The following ADGRB3 variants were observed in gnomAD, a reference collection of about 807,000 sequenced individuals.
ADGRB3 encodes the protein adhesion G protein-coupled receptor B3, also known as brain-specific angiogenesis inhibitor 3.
A neutral mutation model predicts 193.4 loss-of-function variants in ADGRB3; 37 were observed. That is an observed-to-expected ratio of 0.19 (90% CI 0.15 to 0.25). The LOEUF (loss-of-function observed/expected upper bound fraction) is 0.25. Ranked by LOEUF, ADGRB3 falls within the 10% of genes least tolerant of loss-of-function variation. The pLI is 1.00. For synonymous variants in ADGRB3, 690 were observed against 644.2 expected, an observed-to-expected ratio of 1.07 and a Z score of -1.08; for missense variants, 1,637 against 1,852.9, an observed-to-expected ratio of 0.88 and a Z score of 2.14.
intron 17 of ADGRB3, among the ~76,000 whole-genome samples, chr6:69,121,484 A>G (rs1277283785): frequency 5.3e-5 from 8 of 150,624 alleles, no homozygotes; most frequent in Admixed American, 4.0e-4. Flanking sequence ...CAAAACTGCC[A>G]TCGTCATCAT....
intron 17 of ADGRB3, among the ~76,000 whole-genome samples, chr6:69,091,243 G>T (rs1046790044): frequency 3.3e-5 from 5 of 152,138 alleles, no homozygotes; most frequent in Non-Finnish European, 7.3e-5. Flanking sequence ...ATTCCTCAAA[G>T]ACCTAAACAC....
intron 20 of ADGRB3, among the ~76,000 whole-genome samples, chr6:69,274,051 T>A (rs1419927036): frequency 6.6e-6 from 1 of 152,040 alleles, no homozygotes; most frequent in East Asian, 1.9e-4. Context: ...AATAGAGACA[T>A]CCAAGATCAA....
At chr6:68,779,969 A>G (rs1368295471) in intron 3 of ADGRB3, among the ~76,000 whole-genome samples, 2 of 152,110 alleles carry the variant, frequency 1.3e-5, no homozygotes, top group African/African-American at 2.4e-5. Flanking sequence ...TTTGAAAATA[A>G]TGACTTTCAG....
intron 17 of ADGRB3, among the ~76,000 whole-genome samples, chr6:69,104,752 A>G (rs1010290165): frequency 5.3e-5 from 8 of 152,150 alleles, no homozygotes; most frequent in Admixed American, 4.6e-4. Flanking sequence ...AATATTTATT[A>G]TCATATTTCA....
chr6:68,959,496 A>G (rs1768174624), intron 8 of ADGRB3, among the ~76,000 whole-genome samples: 1 of 152,150 alleles, frequency 6.6e-6, no homozygotes, highest in Admixed American at 6.6e-5. Flanking sequence ...AAATTAATCA[A>G]GTTTACTAAG....
chr6:69,342,375 C>G (rs900521030), intron 26 of ADGRB3, among the ~76,000 whole-genome samples: 13 of 151,878 alleles, frequency 8.6e-5, no homozygotes, highest in African/African-American at 3.1e-4. Context: ...CTTAAAAATA[C>G]CCTATAACAT....
At chr6:69,092,064 C>G (rs926935582) in intron 17 of ADGRB3, among the ~76,000 whole-genome samples, 1 of 152,194 alleles carries the variant, frequency 6.6e-6, no homozygotes, top group Non-Finnish European at 1.5e-5. Context: ...AACAGTTAAA[C>G]CTTTTCTCTC....
chr6:69,048,376 G>A, intron 14 of ADGRB3, 42 bp downstream of exon 14: 1 of 1,567,364 alleles, frequency 6.4e-7, no homozygotes, highest in East Asian at 2.3e-5. Context: ...AGACATTTTT[G>A]ATAAGGTCAT....
At chr6:69,328,139 T>G (rs917046280) in intron 22 of ADGRB3, among the ~76,000 whole-genome samples, 1 of 152,194 alleles carries the variant, frequency 6.6e-6, no homozygotes, top group Non-Finnish European at 1.5e-5. Flanking sequence ...TTTAAAATAT[T>G]TCAATATTTA....
chr6:69,224,739 A>G (rs773835705), intron 17 of ADGRB3, among the ~76,000 whole-genome samples: 8 of 152,008 alleles, frequency 5.3e-5, no homozygotes, highest in Non-Finnish European at 1.2e-4. Flanking sequence ...TCAAATTTCC[A>G]TTTCTATTCC....
intron 17 of ADGRB3, among the ~76,000 whole-genome samples, chr6:69,178,020 A>G (rs541204319): frequency 4.0e-4 from 61 of 152,234 alleles, no homozygotes; most frequent in African/African-American, 1.4e-3. Context: ...GGATCTGTCT[A>G]ATGCTGTCAG....
chr6:68,966,316 C>G (rs542272451), intron 8 of ADGRB3, among the ~76,000 whole-genome samples: 1 of 152,264 alleles, frequency 6.6e-6, no homozygotes, highest in Admixed American at 6.5e-5. Context: ...TCAACCCTTT[C>G]TCCAAACTGC....
chr6:69,374,417 C>T (rs750694563), intron 30 of ADGRB3, among the ~76,000 whole-genome samples: 8 of 152,024 alleles, frequency 5.3e-5, no homozygotes, highest in Admixed American at 1.3e-4. Context: ...ACTCCTGCTC[C>T]GCCTGCAAGC....
chr6:68,663,184 T>C (rs1346910561), intron 3 of ADGRB3, among the ~76,000 whole-genome samples: 1 of 151,408 alleles, frequency 6.6e-6, no homozygotes, highest in Admixed American at 6.6e-5. Flanking sequence ...AGACTAAATT[T>C]TGAGTAAGAA....
At chr6:69,083,465 A>G (rs2150315089) in intron 17 of ADGRB3, among the ~76,000 whole-genome samples, 1 of 152,156 alleles carries the variant, frequency 6.6e-6, no homozygotes, top group Admixed American at 6.6e-5. Context: ...ATATCAGTGA[A>G]TAAACAAAAA....
intron 3 of ADGRB3, among the ~76,000 whole-genome samples, chr6:68,782,556 C>A (rs1447211920): frequency 6.6e-6 from 1 of 152,114 alleles, no homozygotes; most frequent in Non-Finnish European, 1.5e-5. Flanking sequence ...ACACTGACTT[C>A]CACAATGGTT....
chr6:68,960,176 G>T (rs1768192675), intron 8 of ADGRB3, among the ~76,000 whole-genome samples: 1 of 152,056 alleles, frequency 6.6e-6, no homozygotes, highest in Non-Finnish European at 1.5e-5. Context: ...TGCTAAGTTG[G>T]AACCTACCAT....
intron 13 of ADGRB3, 122 bp from the exon 14 acceptor site, chr6:69,048,063 G>A: frequency 9.2e-7 from 1 of 1,084,976 alleles, no homozygotes. Flanking sequence ...TTGTTGCTCT[G>A]ATAAATACAA....
intron 20 of ADGRB3, among the ~76,000 whole-genome samples, chr6:69,297,075 C>G (rs1194635340): frequency 6.6e-6 from 1 of 152,046 alleles, no homozygotes. Flanking sequence ...TAAATGCAGC[C>G]TAACTGATGC....
Sources: gnomAD v4.1 joint callset for allele counts (sites outside exome capture counted in the v4.1 genomes callset) on GRCh38, gnomAD v4.1.1 for gene constraint, MANE v1.5 for transcripts, NCBI Gene and HGNC (gene_info 2026-07-23, HGNC 2026-07-21) for gene names.